The following MYO3B variants were observed in gnomAD, a reference collection of about 807,000 sequenced individuals.
MYO3B encodes the protein myosin-IIIb.
In MYO3B, 156 loss-of-function variants were observed where a neutral mutation model predicts 174.6. The ratio of observed to expected loss-of-function variants is 0.89; its 90% CI spans 0.78 to 1.02. The LOEUF is 1.02. Ranked by LOEUF, MYO3B falls within the 50% of genes least tolerant of loss-of-function variation. MYO3B has a pLI of 0.00. For synonymous variants in MYO3B, 563 were observed against 569.1 expected (o/e 0.99, Z 0.15); for missense variants, 1,632 against 1,639.4 (o/e 1.00, Z 0.08).
intron 32 of MYO3B, among the ~76,000 whole-genome samples, chr2:170,563,752 C>T (rs78151907): frequency 0.017 from 2,658 of 152,280 alleles, 66 homozygotes; most frequent in East Asian, 0.088. Context: ...GCAATTCTCT[C>T]CACTTTTTCT....
At chr2:170,355,544 A>G (rs2094113818) in intron 8 of MYO3B, among the ~76,000 whole-genome samples, 1 of 152,120 alleles carries the variant, frequency 6.6e-6, no homozygotes, top group African/African-American at 2.4e-5. Flanking sequence ...TATTGTCATC[A>G]TTTAGGGAGC....
At chr2:170,399,443 C>T (rs2094461647) in intron 16 of MYO3B, among the ~76,000 whole-genome samples, 1 of 147,912 alleles carries the variant, frequency 6.8e-6, no homozygotes, top group Non-Finnish European at 1.5e-5. Flanking sequence ...CACTGTACTC[C>T]AGCCAGGGTG....
intron 8 of MYO3B, among the ~76,000 whole-genome samples, chr2:170,359,837 A>G (rs1032266311): frequency 7.9e-5 from 12 of 152,194 alleles, no homozygotes; most frequent in Non-Finnish European, 1.3e-4. Context: ...GTCCATGTCT[A>G]TTCTAATACT....
intron 8 of MYO3B, among the ~76,000 whole-genome samples, chr2:170,343,301 T>C (rs2093991390): frequency 6.6e-6 from 1 of 152,036 alleles, no homozygotes; most frequent in Admixed American, 6.6e-5. Context: ...GGCATGGTGG[T>C]GTGTGCCTAT....
chr2:170,301,874 CTTTTT>C (rs10538086), intron 7 of MYO3B, among the ~76,000 whole-genome samples: 4 of 74,748 alleles, frequency 5.4e-5, no homozygotes, highest in African/African-American at 5.6e-5. Flanking sequence ...AAAGTGGAGG[CTTTTT>C]TTTTTTTTTT....
intron 13 of MYO3B, 82 bp downstream of exon 13, chr2:170,386,354 G>GT (rs1341246273): frequency 3.0e-4 from 362 of 1,218,748 alleles, no homozygotes; most frequent in Middle Eastern, 3.8e-4. Flanking sequence ...GGAAGTGCTG[G>GT]GTTTTTTTTA....
intron 25 of MYO3B, among the ~76,000 whole-genome samples, chr2:170,473,780 ATAAGCT>A (rs1364525051): frequency 6.6e-6 from 1 of 152,096 alleles, no homozygotes; most frequent in African/African-American, 2.4e-5. Context: ...ATCCAAAGAG[ATAAGCT>A]TAATAGGACA....
intron 32 of MYO3B, among the ~76,000 whole-genome samples, chr2:170,550,343 C>T (rs1489877459): frequency 6.6e-6 from 1 of 152,226 alleles, no homozygotes; most frequent in East Asian, 1.9e-4. Context: ...TCTCAAACTT[C>T]ACTGTGCTCT....
chr2:170,531,687 A>G (rs1689360457), intron 30 of MYO3B, among the ~76,000 whole-genome samples: 1 of 152,214 alleles, frequency 6.6e-6, no homozygotes, highest in Admixed American at 6.5e-5. Context: ...CCAACCCTTT[A>G]AAATCATCCA....
intron 7 of MYO3B, among the ~76,000 whole-genome samples, chr2:170,331,631 A>T (rs915602988): frequency 6.6e-6 from 1 of 152,200 alleles, no homozygotes; most frequent in Admixed American, 6.5e-5. Flanking sequence ...CATGGGTCTC[A>T]GTGGGCTAAA....
intron 32 of MYO3B, chr2:170,647,064 C>T (rs1458145732): frequency 2.4e-6 from 1 of 413,940 alleles, no homozygotes; most frequent in Non-Finnish European, 4.4e-6. Flanking sequence ...CTAACGTCTT[C>T]TTATACAGCT....
At chr2:170,446,063 T>G (rs775623753) in intron 23 of MYO3B, among the ~76,000 whole-genome samples, 2 of 152,158 alleles carry the variant, frequency 1.3e-5, no homozygotes, top group Non-Finnish European at 2.9e-5. Context: ...TTATGAGAGC[T>G]GAAATAAGAA....
chr2:170,534,950 A>G (rs1385390324), intron 30 of MYO3B, among the ~76,000 whole-genome samples: 3 of 152,158 alleles, frequency 2.0e-5, no homozygotes, highest in Admixed American at 6.5e-5. Context: ...AGGGATATCA[A>G]TTCCTACTTA....
intron 22 of MYO3B, among the ~76,000 whole-genome samples, chr2:170,438,826 G>T (rs1480667490): frequency 6.6e-6 from 1 of 151,826 alleles, no homozygotes; most frequent in Non-Finnish European, 1.5e-5. Context: ...GTAGAGACAG[G>T]GTTTCACCAT....
At chr2:170,400,397 T>G (rs922347841) in intron 17 of MYO3B, 83 bp downstream of exon 17, 8 of 1,356,556 alleles carry the variant, frequency 5.9e-6, no homozygotes, top group Non-Finnish European at 7.9e-6. Context: ...CAGCATTTGC[T>G]GGTCCTTTTT....
chr2:170,470,102 C>CAAAAAAAA (rs34472083), intron 25 of MYO3B, among the ~76,000 whole-genome samples: 4 of 46,350 alleles, frequency 8.6e-5, no homozygotes, highest in Non-Finnish European at 1.5e-4. Flanking sequence ...AACTCCGTCT[C>CAAAAAAAA]AAAAAAAAAA....
chr2:170,498,831 T>G, intron 26 of MYO3B, 128 bp downstream of exon 26: 1 of 623,222 alleles, frequency 1.6e-6, no homozygotes, highest in East Asian at 2.8e-5. Context: ...AACAATGGTC[T>G]TTGCTGGTAT....
At chr2:170,628,562 C>T (rs1445732978) in intron 32 of MYO3B, among the ~76,000 whole-genome samples, 3 of 152,196 alleles carry the variant, frequency 2.0e-5, no homozygotes, top group East Asian at 3.9e-4. Context: ...TCCGACAAGC[C>T]CCTGTGAGAT....
At chr2:170,582,486 T>A (rs2106305288) in intron 32 of MYO3B, among the ~76,000 whole-genome samples, 1 of 152,288 alleles carries the variant, frequency 6.6e-6, no homozygotes, top group African/African-American at 2.4e-5. Context: ...AGGGGTGCTC[T>A]AAATGGCTGC....
Sources: gnomAD v4.1 joint callset for allele counts (sites outside exome capture counted in the v4.1 genomes callset) on GRCh38, gnomAD v4.1.1 for gene constraint, MANE v1.5 for transcripts, NCBI Gene and HGNC (gene_info 2026-07-23, HGNC 2026-07-21) for gene names.